Variants in TMEM130 observed in about 807,000 individuals in gnomAD.
TMEM130 encodes the protein transmembrane protein 130.
TMEM130 carries 37 observed loss-of-function variants against 42.9 expected under a neutral mutation model. The observed-to-expected ratio is 0.86, with a 90% CI of 0.66 to 1.13. The LOEUF is 1.13. Among genes scored for constraint, TMEM130 ranks in the 50% most tolerant of loss-of-function variants. The pLI, the probability that TMEM130 is intolerant of heterozygous loss-of-function variation, is 0.00. For synonymous variants in TMEM130, 259 were observed against 237.7 expected (o/e 1.09, Z -0.82); for missense variants, 545 against 562.6 (o/e 0.97, Z 0.32).
intron 5 of TMEM130, among the ~76,000 whole-genome samples, chr7:98,853,242 C>T (rs1794552326): frequency 6.6e-6 from 1 of 152,170 alleles, no homozygotes; most frequent in South Asian, 2.1e-4. Flanking sequence ...CTAAATTATT[C>T]ACAGTTCATC....
intron 6 of TMEM130, among the ~76,000 whole-genome samples, chr7:98,850,429 C>G (rs1261412802): frequency 1.3e-5 from 2 of 151,356 alleles, no homozygotes; most frequent in African/African-American, 4.8e-5. Flanking sequence ...AGACTCCCAC[C>G]ACCACACCCA....
chr7:98,869,134 T>G lies in TMEM130; in HGVS notation c.85+643A>C. 8.0e-7 allele frequency: 1 copy of G among 1,245,278 alleles called. No homozygotes were observed. The highest frequency in any genetic ancestry group is 1.0e-6 in the Non-Finnish European group (1 of 967,004). 77.1% of individuals were successfully genotyped at this position (1,245,278 alleles called of 1,614,324 possible). On this transcript the variant is annotated intron_variant, in intron 1 of 7. Transcript: ENST00000339375. The surrounding 1 kb of genome is among the most constrained non-coding windows in gnomAD (Gnocchi z 4.7). Reference sequence around the variant, plus strand: ...GTGGCAGAGAGGTGGGTGCTGGCTTTCTGGCGGTGGGGAAGTGGGGGCAGT... The same window carrying G: ...GTGGCAGAGAGGTGGGTGCTGGCTTGCTGGCGGTGGGGAAGTGGGGGCAGT...
At chr7:98,862,292 GACAGAAAGAGACAAAGAGACAGAGA>G (rs1258617646) in intron 2 of TMEM130, among the ~76,000 whole-genome samples, 3 of 61,294 alleles carry the variant, frequency 4.9e-5, no homozygotes, top group African/African-American at 1.3e-4. Context: ...AAGAGACAGA[GACAGAAAGAGACAAAGAGACAGAGA>G]ACAGAAAGAG....
Position 98,856,053 on chromosome 7 carries a change from T to G in TMEM130, c.682A>C (p.Lys228Gln). Residue 228 changes from lysine to glutamine, a missense_variant, in exon 4 of 8, where the codon AAG becomes CAG. Physicochemically the swap from Lys to Gln is moderately conservative, Grantham distance 53. Transcript: ENST00000339375. ...EPDATRAVKQKTGDFSASLKL... is the reference protein window; with the variant it reads ...EPDATRAVKQQTGDFSASLKL... ...AGCGAGGCGGAGAAGTCCCCGGTCT[T>G]CTGCTTCACAGCCCTCGTGGCATCC... 1 of 1,613,692 alleles carries G rather than the reference T, an allele frequency of 6.2e-7. No homozygotes were observed. Among genetic ancestry groups the G allele is most frequent in the Non-Finnish European group, 8.5e-7 (1 of 1,180,024 alleles).
At position 98,862,346 on chromosome 7, in the gene TMEM130, CAGAG is replaced by C. The variant is rs147381434; in HGVS notation, c.391+745_391+748del. On this transcript the variant is annotated intron_variant, in intron 2 of 7. Coordinates refer to ENST00000339375, the MANE Select transcript of TMEM130 (RefSeq NM_152913.3). ...GAAAGAGCAAGATAGAAAGGGAAAA[CAGAG>C]AGAGAAGGGACAGAGAGAGACAGAA... 7.2e-3 allele frequency among the ~76,000 whole-genome samples: 1,081 copies of C among 150,610 alleles called. 17 individuals carry two copies. The highest frequency in any genetic ancestry group is 0.025 in the African/African-American group (1,008 of 40,912).
chr7:98,849,671 T>A (rs1554397906), intron 6 of TMEM130, among the ~76,000 whole-genome samples: 1 of 152,122 alleles, frequency 6.6e-6, no homozygotes, highest in Non-Finnish European at 1.5e-5. Context: ...TGAAGACAAG[T>A]GCAGCTGGCA....
At position 98,869,802 on chromosome 7, in the gene TMEM130, G is replaced by GA; in HGVS notation, c.59_60insT (p.Trp21LeufsTer12). ...CTGCGGCCACCCCTGCCGGGGCCCAGGGCAGGAGGCAGGCAAGCCAGAGGA... is the reference window on the plus strand; with the variant it reads ...CTGCGGCCACCCCTGCCGGGGCCCAGAGGCAGGAGGCAGGCAAGCCAGAGGA... On this transcript the variant is annotated frameshift_variant, in exon 1 of 8. Coordinates refer to ENST00000339375, the MANE Select transcript of TMEM130 (RefSeq NM_152913.3). LOFTEE classifies it high-confidence loss of function. This position sits in a 1 kb window ranked among gnomAD's most constrained non-coding sequence, Gnocchi z 4.7. The GA allele has an allele frequency of 6.9e-7, 1 of 1,442,708 alleles. No individual in the cohort carries two copies. Among genetic ancestry groups the GA allele is most frequent in the South Asian group, 1.4e-5 (1 of 72,012 alleles). The allele number at this position is 1,442,708 out of a possible 1,614,324, so 89.4% of individuals were successfully genotyped here. A position where few individuals can be genotyped will look rare whatever the true frequency, so the allele number is the denominator to read the frequency against.
Position 98,847,128 on chromosome 7 carries a change from A to T in TMEM130, c.*928T>A, listed in dbSNP as rs1794372866. The T allele has an allele frequency of 6.6e-6, 1 of 152,226 alleles. No individual in the cohort carries two copies. The highest frequency in any genetic ancestry group is 1.5e-5 in the Non-Finnish European group (1 of 68,092). The allele number at this position is 152,226 out of a possible 1,614,324, so 9.4% of individuals were successfully genotyped here. A position where few individuals can be genotyped will look rare whatever the true frequency, so the allele number is the denominator to read the frequency against. ...CGCCTCGGCCTCCCAAAGTGCTGGG[A>T]TTACAGGCGTGAGCCACCGCGCCCG... On this transcript the variant is annotated 3_prime_UTR_variant, in exon 8 of 8. Transcript: ENST00000339375.
chr7:98,860,093 G>A, intron 3 of TMEM130, 86 bp downstream of exon 3: 1 of 1,176,124 alleles, frequency 8.5e-7, no homozygotes, highest in Non-Finnish European at 1.1e-6. Flanking sequence ...AATTAAAGGT[G>A]AAGAGATTCG....
intron 5 of TMEM130, among the ~76,000 whole-genome samples, chr7:98,854,331 G>A (rs1184776985): frequency 3.3e-5 from 5 of 152,152 alleles, no homozygotes; most frequent in African/African-American, 1.2e-4. Context: ...TGGAAAATAG[G>A]CCACGTCATA....
At chr7:98,851,207 G>A (rs563379567) in intron 6 of TMEM130, among the ~76,000 whole-genome samples, 1 of 152,302 alleles carries the variant, frequency 6.6e-6, no homozygotes, top group Admixed American at 6.5e-5. Flanking sequence ...TGGTGGGATT[G>A]GAGAGTTTGG....
Position 98,851,527 on chromosome 7 carries a change from G to T in TMEM130, c.900C>A (p.Asn300Lys), listed in dbSNP as rs189400203. The T allele has an allele frequency of 1.2e-5, 20 of 1,614,146 alleles. No individual in the cohort carries two copies. In the African/African-American group the frequency reaches 2.4e-4, roughly 19 times the overall value. Reference protein sequence around the residue: ...HPVSVASTAYNLTHTFRDPGD... With the variant: ...HPVSVASTAYKLTHTFRDPGD... Reference sequence around the variant, plus strand: ...CAGGGTCCCTGAAGGTGTGGGTCAGGTTGTACGCTGTGCTGGCCACGGACA... The same window carrying T: ...CAGGGTCCCTGAAGGTGTGGGTCAGTTTGTACGCTGTGCTGGCCACGGACA... Residue 300 changes from asparagine (N) to lysine (K), a missense_variant, in exon 6 of 8, where the codon AAC becomes AAA. Asn to Lys is a moderately conservative substitution (Grantham distance 94). Coordinates refer to ENST00000339375, the MANE Select transcript of TMEM130 (RefSeq NM_152913.3).
chr7:98,850,077 T>A (rs912604377), intron 6 of TMEM130, among the ~76,000 whole-genome samples: 19 of 150,884 alleles, frequency 1.3e-4, no homozygotes, highest in Admixed American at 1.2e-3. Flanking sequence ...GGAGACAGGG[T>A]CTCACTCTGT....
intron 5 of TMEM130, among the ~76,000 whole-genome samples, chr7:98,852,432 T>G (rs1273112534): frequency 1.3e-5 from 2 of 152,034 alleles, no homozygotes; most frequent in African/African-American, 4.8e-5. Context: ...GCCTGGCCAA[T>G]TTTTTAATTT....
intron 2 of TMEM130, among the ~76,000 whole-genome samples, chr7:98,860,551 C>G (rs1794748681): frequency 6.6e-6 from 1 of 152,180 alleles, no homozygotes; most frequent in African/African-American, 2.4e-5. Context: ...TGCATGAACA[C>G]TGCTGAACAC....
At chr7:98,867,101 AAAAT>A (rs1192769977) in intron 1 of TMEM130, among the ~76,000 whole-genome samples, 1 of 152,096 alleles carries the variant, frequency 6.6e-6, no homozygotes, top group East Asian at 1.9e-4. Flanking sequence ...CCTTTCTACA[AAAAT>A]AAATAAATAA....
At chr7:98,862,474 A>C (rs1554399919) in intron 2 of TMEM130, among the ~76,000 whole-genome samples, 1 of 142,264 alleles carries the variant, frequency 7.0e-6, no homozygotes, top group East Asian at 2.2e-4. Flanking sequence ...TGGCCCCAAG[A>C]CTACAATAAT....
chr7:98,856,435 A>T (rs548512237), intron 3 of TMEM130, among the ~76,000 whole-genome samples: 1 of 152,334 alleles, frequency 6.6e-6, no homozygotes, highest in East Asian at 1.9e-4. Flanking sequence ...AATTTCTCAC[A>T]TTAGCCAAAG....
chr7:98,863,036 G>A (rs1554400037), intron 2 of TMEM130, 59 bp downstream of exon 2: 1 of 1,536,854 alleles, frequency 6.5e-7, no homozygotes, highest in Non-Finnish European at 8.8e-7. Context: ...AGCGAAGCTT[G>A]ATGTTTTTCT....
Sources: gnomAD v4.1 joint callset for allele counts (sites outside exome capture counted in the v4.1 genomes callset) on GRCh38, gnomAD v4.1.1 for gene constraint, Gnocchi (gnomAD v3.1) non-coding constraint, MANE v1.5 for transcripts, NCBI Gene and HGNC (gene_info 2026-07-23, HGNC 2026-07-21) for gene names.